Variants in EDNRA observed in about 807,000 individuals in gnomAD.
EDNRA encodes the protein endothelin receptor type A, also known as endothelin-1 receptor.
EDNRA carries 11 observed loss-of-function variants against 41.4 expected under a neutral mutation model. That is an observed-to-expected ratio of 0.27 (90% CI 0.17 to 0.44). The LOEUF (loss-of-function observed/expected upper bound fraction) is 0.44. Ranked by LOEUF, EDNRA falls within the 20% of genes least tolerant of loss-of-function variation. EDNRA has a pLI of 1.00. For synonymous variants in EDNRA, 172 were observed against 183.0 expected (o/e 0.94, Z 0.49); for missense variants, 294 against 531.0 (o/e 0.55, Z 4.39).
In EDNRA at chr4:147,486,135, A is replaced by G; in HGVS notation, c.420+34A>G. The G allele has an allele frequency of 1.3e-6, 2 of 1,573,828 alleles. No homozygotes were observed. The highest frequency in any genetic ancestry group is 1.7e-6 in the Non-Finnish European group (2 of 1,158,060). On this transcript the variant is annotated intron_variant, in intron 2 of 7. Coordinates refer to ENST00000651419, the MANE Select transcript of EDNRA (RefSeq NM_001957.4). This position sits in a 1 kb window ranked among gnomAD's most constrained non-coding sequence, Gnocchi z 4.3. ...TAACCACAAATGTATTTGCAAATTT[A>G]AACCCATGCTCTGATTCCACGTGGA...
intron 2 of EDNRA, among the ~76,000 whole-genome samples, chr4:147,517,528 A>G (rs1730157659): frequency 6.6e-6 from 1 of 152,228 alleles, no homozygotes; most frequent in Non-Finnish European, 1.5e-5. Context: ...CTTACTACCC[A>G]TACATCCTTT....
At chr4:147,542,229 C>T (rs1333283966) in intron 7 of EDNRA, among the ~76,000 whole-genome samples, 1 of 152,202 alleles carries the variant, frequency 6.6e-6, no homozygotes, top group African/African-American at 2.4e-5. Flanking sequence ...ACCTACAGTG[C>T]CTTCCCTTTC....
intron 2 of EDNRA, among the ~76,000 whole-genome samples, chr4:147,487,015 G>A (rs564849557): frequency 6.6e-6 from 1 of 152,242 alleles, no homozygotes; most frequent in South Asian, 2.1e-4. Flanking sequence ...AGGGCCTCAG[G>A]AAGCTTCCAA....
chr4:147,511,943 C>T (rs1286889435), intron 2 of EDNRA, among the ~76,000 whole-genome samples: 1 of 152,176 alleles, frequency 6.6e-6, no homozygotes, highest in Non-Finnish European at 1.5e-5. Flanking sequence ...GGGCTCCACT[C>T]ACAACACATG....
intron 2 of EDNRA, among the ~76,000 whole-genome samples, chr4:147,509,305 T>C (rs969576803): frequency 2.0e-5 from 3 of 152,224 alleles, no homozygotes; most frequent in African/African-American, 7.2e-5. Flanking sequence ...TCGTGATTCA[T>C]GCGAAAGCAC....
At position 147,536,608 on chromosome 4, in the gene EDNRA, G is replaced by C. The variant is rs183955833; in HGVS notation, c.900+579G>C. ...GGAAGAACAGGAGTCTAGTTAGAACGTGGAATAGGAACCATGCATTTGGGG... is the reference window on the plus strand; with the variant it reads ...GGAAGAACAGGAGTCTAGTTAGAACCTGGAATAGGAACCATGCATTTGGGG... On this transcript the variant is annotated intron_variant, in intron 5 of 7. Coordinates refer to ENST00000651419, the MANE Select transcript of EDNRA (RefSeq NM_001957.4). Among the ~76,000 whole-genome samples, 99 of 152,288 alleles carry C rather than the reference G, an allele frequency of 6.5e-4. 3 individuals are homozygous for C. The South Asian group carries it at 0.019, about 29-fold the overall frequency.
rs768461460 is a variant in EDNRA at position 147,523,479 on chromosome 4, TG to T, written c.548+3502del. Among the ~76,000 whole-genome samples the T allele has an allele frequency of 6.5e-3, 906 of 138,872 alleles. 23 individuals are homozygous for T. Among genetic ancestry groups the T allele is most frequent in the African/African-American group, 0.022 (714 of 31,924 alleles). 91.1% of individuals were successfully genotyped at this position (138,872 alleles called of 152,430 possible). Reference sequence around the variant, plus strand: ...GGTGTTTGTTTTTTTTTGTTGTTGTTGTTTTTTTGTTTTTTTTGTTTTTTTT... The same window carrying T: ...GGTGTTTGTTTTTTTTTGTTGTTGTTTTTTTTTGTTTTTTTTGTTTTTTTT... On this transcript the variant is annotated intron_variant, in intron 3 of 7. Coordinates refer to ENST00000651419, the MANE Select transcript of EDNRA (RefSeq NM_001957.4).
intron 2 of EDNRA, among the ~76,000 whole-genome samples, chr4:147,518,742 G>A (rs1193496848): frequency 1.3e-5 from 2 of 150,834 alleles, no homozygotes; most frequent in Admixed American, 1.3e-4. Context: ...ATGGCAAAAA[G>A]AACTTTTCAA....
chr4:147,493,313 G>C (rs1178070106), intron 2 of EDNRA: 1 of 152,040 alleles, frequency 6.6e-6, no homozygotes, highest in Non-Finnish European at 1.5e-5. Flanking sequence ...CCAGCATTCT[G>C]ATCAATAAAA....
chr4:147,501,734 G>A (rs151318270), intron 2 of EDNRA, among the ~76,000 whole-genome samples: 24 of 152,254 alleles, frequency 1.6e-4, no homozygotes, highest in African/African-American at 5.5e-4. Flanking sequence ...TAGTTTCATA[G>A]TATCCCATTG....
chr4:147,530,526 T>C (rs1730707507), intron 3 of EDNRA, among the ~76,000 whole-genome samples: 1 of 152,250 alleles, frequency 6.6e-6, no homozygotes, highest in Non-Finnish European at 1.5e-5. Flanking sequence ...TCTGGACTTT[T>C]TTGAGATTTG....
intron 2 of EDNRA, among the ~76,000 whole-genome samples, chr4:147,497,055 C>A (rs1729324963): frequency 6.7e-6 from 1 of 149,286 alleles, no homozygotes; most frequent in South Asian, 2.1e-4. Flanking sequence ...TTTAATTTTT[C>A]TTGATCATAA....
In EDNRA at chr4:147,519,278, CTT is replaced by C. The variant is rs1730229371; in HGVS notation, c.421-571_421-570del. 6.6e-6 allele frequency among the ~76,000 whole-genome samples: 1 copy of C among 152,158 alleles called. No individual in the cohort carries two copies. The highest frequency in any genetic ancestry group is 6.5e-5 in the Admixed American group (1 of 15,274). On this transcript the variant is annotated intron_variant, in intron 2 of 7. Coordinates refer to ENST00000651419, the MANE Select transcript of EDNRA (RefSeq NM_001957.4). The surrounding 1 kb of genome is among the most constrained non-coding windows in gnomAD (Gnocchi z 4.1). ...GCCAAAATTAGTAGCTTCTACACCA[CTT>C]TGTTTTTTTCCAGTATTCTCCCTAA...
At chr4:147,539,452 A>G (rs1158730640) in intron 5 of EDNRA, among the ~76,000 whole-genome samples, 1 of 151,516 alleles carries the variant, frequency 6.6e-6, no homozygotes, top group Non-Finnish European at 1.5e-5. Flanking sequence ...GTCACACTCC[A>G]CCCCACTACA....
intron 3 of EDNRA, among the ~76,000 whole-genome samples, chr4:147,526,430 G>A (rs777645416): frequency 2.0e-5 from 3 of 152,150 alleles, no homozygotes; most frequent in Non-Finnish European, 4.4e-5. Flanking sequence ...ACAGCTGGAT[G>A]TCTGAGCTCA....
At chr4:147,506,778 C>T (rs1275622968) in intron 2 of EDNRA, 1 of 248,870 alleles carries the variant, frequency 4.0e-6, no homozygotes, top group East Asian at 1.1e-4. Flanking sequence ...TGGCTCCTAG[C>T]CAGCATGTTA....
rs1021410997 is a variant in EDNRA, at chr4:147,486,774, T to C, written c.420+673T>C. 4.6e-5 allele frequency among the ~76,000 whole-genome samples: 7 copies of C among 152,218 alleles called. No individual in the cohort carries two copies. Among genetic ancestry groups the C allele is most frequent in the African/African-American group, 1.4e-4 (6 of 41,530 alleles). On this transcript the variant is annotated intron_variant, in intron 2 of 7. Coordinates refer to ENST00000651419, the MANE Select transcript of EDNRA (RefSeq NM_001957.4). This position sits in a 1 kb window ranked among gnomAD's most constrained non-coding sequence, Gnocchi z 4.3. The stretch of plus-strand genomic sequence containing the variant: ...CAGTCTGCATTTATTGAGCACCCAC[T>C]GTGTGCCCACCCCTGAGCTAGGCAG...
intron 4 of EDNRA, among the ~76,000 whole-genome samples, chr4:147,534,026 A>T (rs1470756318): frequency 2.6e-5 from 4 of 151,972 alleles, no homozygotes; most frequent in Non-Finnish European, 5.9e-5. Flanking sequence ...CTTCAACTTT[A>T]CCCTAGACTG....
At chr4:147,535,750 A>G in intron 4 of EDNRA, 127 bp from the exon 5 acceptor site, 1 of 1,203,652 alleles carries the variant, frequency 8.3e-7, no homozygotes, top group East Asian at 2.4e-5. Context: ...CCATCACTGC[A>G]ACCAGAGAGC....
Sources: allele counts gnomAD v4.1 joint callset (sites outside exome capture counted in the v4.1 genomes callset), GRCh38; gene constraint gnomAD v4.1.1; non-coding constraint Gnocchi (gnomAD v3.1); transcripts MANE v1.5; gene names NCBI Gene and HGNC (gene_info 2026-07-23, HGNC 2026-07-21).